The following FHIT variants were observed in gnomAD, a reference collection of about 807,000 sequenced individuals.
The protein encoded by FHIT is fragile histidine triad diadenosine triphosphatase.
FHIT carries 19 observed loss-of-function variants against 17.9 expected under a neutral mutation model. The ratio of observed to expected loss-of-function variants is 1.06; its 90% CI spans 0.74 to 1.56. The LOEUF is 1.56. FHIT is among the 40% of genes most tolerant of loss of function. The pLI, the probability that FHIT is intolerant of heterozygous loss-of-function variation, is 0.00. For missense variants in FHIT, 248 were observed against 189.2 expected (o/e 1.31, Z -1.82); for synonymous variants, 81 against 69.7 (o/e 1.16, Z -0.81).
chr3:60,712,730 T>C (rs2041572010), intron 4 of FHIT, among the ~76,000 whole-genome samples: 1 of 148,330 alleles, frequency 6.7e-6, no homozygotes, highest in Admixed American at 6.7e-5. Context: ...GAGCTAACTA[T>C]CCTAAATATA....
intron 7 of FHIT, among the ~76,000 whole-genome samples, chr3:59,975,165 T>C (rs867906620): frequency 6.6e-6 from 1 of 152,184 alleles, no homozygotes; most frequent in South Asian, 2.1e-4. Context: ...GATTATTTGC[T>C]GGCAAATGAA....
At chr3:60,472,685 C>T (rs2121862) in intron 5 of FHIT, among the ~76,000 whole-genome samples, 7 of 151,870 alleles carry the variant, frequency 4.6e-5, no homozygotes, top group Admixed American at 3.3e-4. Context: ...AAGCAGCGCT[C>T]GTCTTTGCTG....
At chr3:59,874,607 G>A (rs1441221212) in intron 8 of FHIT, among the ~76,000 whole-genome samples, 9 of 152,108 alleles carry the variant, frequency 5.9e-5, no homozygotes, top group Non-Finnish European at 1.0e-4. Flanking sequence ...GGTTAGGACA[G>A]TGGGCTTGGG....
At chr3:61,202,327 G>A (rs547157628) in intron 1 of FHIT, among the ~76,000 whole-genome samples, 28 of 150,088 alleles carry the variant, frequency 1.9e-4, no homozygotes, top group Admixed American at 1.3e-4. Context: ...GCCTCTGCTC[G>A]GCAGCCGCCC....
chr3:60,677,359 T>C (rs2040645114), intron 4 of FHIT, among the ~76,000 whole-genome samples: 1 of 152,214 alleles, frequency 6.6e-6, no homozygotes, highest in Admixed American at 6.5e-5. Flanking sequence ...CTATACTCTA[T>C]GTCTACATAC....
intron 3 of FHIT, among the ~76,000 whole-genome samples, chr3:60,884,115 C>T (rs1225111561): frequency 6.6e-6 from 1 of 152,130 alleles, no homozygotes; most frequent in East Asian, 1.9e-4. Flanking sequence ...TGAAAAAATG[C>T]TCAGCATCCG....
chr3:60,018,188 G>C (rs1368014958), intron 5 of FHIT, among the ~76,000 whole-genome samples: 1 of 152,144 alleles, frequency 6.6e-6, no homozygotes, highest in Non-Finnish European at 1.5e-5. Context: ...GGTGAGAAAG[G>C]AGGCAAGAGA....
chr3:60,985,886 G>A (rs777686763), intron 3 of FHIT, among the ~76,000 whole-genome samples: 14 of 152,164 alleles, frequency 9.2e-5, no homozygotes, highest in Admixed American at 5.2e-4. Context: ...AGGCTCCAGG[G>A]TAGAATCCAT....
At chr3:60,177,267 A>T (rs927231729) in intron 5 of FHIT, among the ~76,000 whole-genome samples, 7 of 133,594 alleles carry the variant, frequency 5.2e-5, no homozygotes, top group African/African-American at 1.9e-4. Flanking sequence ...AGCCAAGGTT[A>T]AAAAAAAAAA....
chr3:61,137,177 A>G (rs899157024), intron 2 of FHIT, among the ~76,000 whole-genome samples: 1 of 151,510 alleles, frequency 6.6e-6, no homozygotes. Context: ...CAAGAACTCC[A>G]GTTTTATATC....
At chr3:60,121,331 C>T (rs944972394) in intron 5 of FHIT, among the ~76,000 whole-genome samples, 5 of 152,118 alleles carry the variant, frequency 3.3e-5, no homozygotes, top group Non-Finnish European at 5.9e-5. Flanking sequence ...TAGTTTCCCC[C>T]TTTATCTGCT....
intron 4 of FHIT, among the ~76,000 whole-genome samples, chr3:60,727,112 A>C (rs1553709776): frequency 1.3e-5 from 2 of 152,194 alleles, no homozygotes; most frequent in Non-Finnish European, 2.9e-5. Flanking sequence ...GTATTGCTTT[A>C]TCATTCTTAA....
intron 4 of FHIT, among the ~76,000 whole-genome samples, chr3:60,708,694 C>T (rs1333381894): frequency 6.6e-6 from 1 of 152,146 alleles, no homozygotes; most frequent in African/African-American, 2.4e-5. Context: ...TGAGGACATA[C>T]CACTTTTAAT....
chr3:59,917,187 T>G (rs955473395), intron 8 of FHIT, among the ~76,000 whole-genome samples: 1 of 152,256 alleles, frequency 6.6e-6, no homozygotes, highest in African/African-American at 2.4e-5. Flanking sequence ...TTGTTTCCCA[T>G]GACATGCTTG....
intron 8 of FHIT, among the ~76,000 whole-genome samples, chr3:59,818,957 CAG>C (rs1559633463): frequency 1.3e-5 from 2 of 152,178 alleles, no homozygotes; most frequent in Admixed American, 6.5e-5. Flanking sequence ...TACTCTGTGT[CAG>C]AGTCAGTAAA....
At chr3:60,883,175 C>T (rs1553758393) in intron 3 of FHIT, among the ~76,000 whole-genome samples, 1 of 151,994 alleles carries the variant, frequency 6.6e-6, no homozygotes, top group Non-Finnish European at 1.5e-5. Flanking sequence ...AGCAAAAGAT[C>T]TCTACAATTA....
At chr3:60,329,272 C>G (rs1709846556) in intron 5 of FHIT, among the ~76,000 whole-genome samples, 1 of 151,982 alleles carries the variant, frequency 6.6e-6, no homozygotes, top group African/African-American at 2.4e-5. Context: ...TCACTGTTCT[C>G]TAGCTGAGTG....
chr3:59,779,874 C>T (rs1024581160), intron 8 of FHIT, among the ~76,000 whole-genome samples: 2 of 152,180 alleles, frequency 1.3e-5, no homozygotes, highest in Admixed American at 6.6e-5. Flanking sequence ...AACTCCCATC[C>T]CATGAGAGGA....
chr3:60,603,717 A>G (rs2038517390), intron 4 of FHIT, among the ~76,000 whole-genome samples: 1 of 152,134 alleles, frequency 6.6e-6, no homozygotes, highest in African/African-American at 2.4e-5. Flanking sequence ...TCTCTGGGTA[A>G]GGCATCATTG....
Sources: gnomAD v4.1 joint callset for allele counts (sites outside exome capture counted in the v4.1 genomes callset) on GRCh38, gnomAD v4.1.1 for gene constraint, MANE v1.5 for transcripts, NCBI Gene and HGNC (gene_info 2026-07-23, HGNC 2026-07-21) for gene names.